The following MCM7 variants were observed in gnomAD, a reference collection of about 807,000 sequenced individuals.
MCM7 encodes the protein DNA replication licensing factor MCM7.
MCM7 carries 95 observed loss-of-function variants against 83.5 expected under a neutral mutation model. That is an observed-to-expected ratio of 1.14 (90% CI 0.96 to 1.35). MCM7 has a LOEUF of 1.35. MCM7 is among the 40% of genes most tolerant of loss of function. The pLI is 0.00. For missense variants in MCM7, 1,087 were observed against 957.4 expected (o/e 1.14, Z -1.79); for synonymous variants, 461 against 352.7 (o/e 1.31, Z -3.44).
At chr7:100,098,086 T>C (rs186478756) in intron 7 of MCM7, 55 bp downstream of exon 7, 5 of 1,598,640 alleles carry the variant, frequency 3.1e-6, no homozygotes, top group Admixed American at 3.4e-5. Context: ...GTGGGTAGAA[T>C]GAGTAGGTGA....
At chr7:100,097,465 C>T (rs1217021548) in intron 9 of MCM7, 81 bp from the exon 10 acceptor site, 3 of 1,569,720 alleles carry the variant, frequency 1.9e-6, no homozygotes, top group East Asian at 2.2e-5. Flanking sequence ...GTTCTGCCTA[C>T]CCCTAACACC....
At position 100,095,814 on chromosome 7, in the gene MCM7, AGAG is replaced by A. The variant is rs761880303; in HGVS notation, c.1552_1554del (p.Leu518del). 6.2e-6 allele frequency: 10 copies of A among 1,604,110 alleles called. No homozygotes were observed. The highest frequency in any genetic ancestry group is 7.7e-6 in the Non-Finnish European group (9 of 1,175,760). On this transcript the variant is annotated inframe_deletion, in exon 11 of 15. Transcript: ENST00000303887. ...CGGTCGGGCCGGTCCTGAATCAGCC[AGAG>A]GAGGTCAAACCGGGAGAGCAGTGCA...
rs749189763 is a variant in MCM7 at position 100,099,418 on chromosome 7, C to CAAAA, written c.277-19_277-16dup. 2.2e-4 allele frequency: 292 copies of CAAAA among 1,304,786 alleles called. No individual in the cohort carries two copies. Among genetic ancestry groups the CAAAA allele is most frequent in the Admixed American group, 1.3e-3 (38 of 30,300 alleles). 80.8% of individuals were successfully genotyped at this position (1,304,786 alleles called of 1,614,324 possible). A position where few individuals can be genotyped will look rare whatever the true frequency, so the allele number is the denominator to read the frequency against. ...TTATTTACCACCTAAAGGAGAAGAA[C>CAAAA]AAAAAAAAAAAAAAAAAAGAGCAAC... On this transcript the variant is annotated splice_polypyrimidine_tract_variant and intron_variant, in intron 3 of 14. Transcript: ENST00000303887.
rs577254709 is a variant in MCM7, at chr7:100,093,021, G to A, written c.2071C>T (p.Pro691Ser). 90 of 1,614,248 alleles carry A rather than the reference G, an allele frequency of 5.6e-5. No individual in the cohort carries two copies. In the South Asian group the frequency reaches 9.3e-4, roughly 17 times the overall value. Residue 691 changes from proline to serine, a missense_variant, in exon 15 of 15, where the codon CCC becomes TCC. By Grantham distance (74) the Pro-to-Ser change is moderately conservative (BLOSUM62 -1). Coordinates refer to ENST00000303887, the MANE Select transcript of MCM7 (RefSeq NM_005916.5). ...EQRCVSRGFT[P>S]AQFQAALDEY... is the part of the protein sequence containing the mutation. ...TCCAGAGCCGCCTGGAACTGGGCGG[G>A]TGTGAAGCCACGAGATACACAGCGC... is the stretch of plus-strand genomic sequence containing the variant.
chr7:100,101,307 C>T lies in MCM7; in HGVS notation c.-13G>A. 1 of 1,613,180 alleles carries T rather than the reference C, an allele frequency of 6.2e-7. No individual in the cohort carries two copies. Among genetic ancestry groups the T allele is most frequent in the Non-Finnish European group, 8.5e-7 (1 of 1,179,882 alleles). On this transcript the variant is annotated 5_prime_UTR_variant, in exon 1 of 15. Transcript: ENST00000303887. ...CCTTCAGTGCCATCGCTGCCGAGGG[C>T]CGTGCGGCCGCGCTTGGCGGGCTCA...
Position 100,101,331 on chromosome 7 carries a change from C to T in MCM7, c.-37G>A, listed in dbSNP as rs1796016568. On this transcript the variant is annotated 5_prime_UTR_variant, in exon 1 of 15. Coordinates refer to ENST00000303887, the MANE Select transcript of MCM7 (RefSeq NM_005916.5). ...GCCGTGCGGCCGCGCTTGGCGGGCT[C>T]AGAGGTCTTGCTCCTGGGGAAGCTG... 6.2e-7 allele frequency: 1 copy of T among 1,612,542 alleles called. No homozygotes were observed. Among genetic ancestry groups the T allele is most frequent in the African/African-American group, 1.3e-5 (1 of 74,946 alleles).
rs767723414 is a variant in MCM7 at position 100,096,105 on chromosome 7, A to G, written c.1264T>C (p.Ser422Pro). Reference protein sequence around the residue: ...VGLTAAVLRDSVSGELTLEGG... With the variant: ...VGLTAAVLRDPVSGELTLEGG... ...TCTAAGGTCAGTTCTCCACTCACGG[A>G]GTCTCTCAGCACAGCTGCCGTAAGC... The change falls in exon 11 of 15, where the codon TCC (serine) becomes CCC (proline). Residue 422 changes from serine to proline, a missense_variant. Physicochemically the swap from Ser to Pro is moderately conservative, Grantham distance 74. Coordinates refer to ENST00000303887, the MANE Select transcript of MCM7 (RefSeq NM_005916.5). 1 of 1,613,974 alleles carries G rather than the reference A, an allele frequency of 6.2e-7. No individual in the cohort carries two copies. Among genetic ancestry groups the G allele is most frequent in the Non-Finnish European group, 8.5e-7 (1 of 1,179,940 alleles).
At chr7:100,100,630 G>A (rs1042345750) in intron 1 of MCM7, 11 of 990,926 alleles carry the variant, frequency 1.1e-5, no homozygotes, top group Non-Finnish European at 1.2e-5. Flanking sequence ...CACACCCAGA[G>A]ACACCGCGAT....
chr7:100,100,399 A>C (rs1427148468), intron 1 of MCM7: 7 of 1,063,684 alleles, frequency 6.6e-6, no homozygotes, highest in African/African-American at 1.7e-5. Context: ...CAAGGTTCTC[A>C]GCTTTCTTTC....
At chr7:100,099,229 A>G (rs370793797) in intron 4 of MCM7, 26 bp from the exon 5 acceptor site, 163 of 1,613,940 alleles carry the variant, frequency 1.0e-4, no homozygotes, top group Non-Finnish European at 1.3e-4. Flanking sequence ...AGTCACAAAC[A>G]AGATCCTGGA....
chr7:100,101,088 C>G lies in MCM7; in HGVS notation c.31+176G>C, dbSNP rs1361739888. The G allele has an allele frequency of 3.8e-6, 3 of 779,326 alleles. No homozygotes were observed. In the Admixed American group the frequency reaches 8.3e-5, roughly 22 times the overall value. The allele number at this position is 779,326 out of a possible 1,614,324, so 48.3% of individuals were successfully genotyped here. ...AGCTTTTCTTCAACATCGATGGCCC[C>G]CCGCACGCTTCCCAGGCCCCGTGGG... On this transcript the variant is annotated intron_variant, in intron 1 of 14. Coordinates refer to ENST00000303887, the MANE Select transcript of MCM7 (RefSeq NM_005916.5).
chr7:100,095,466 C>A lies in MCM7; in HGVS notation c.1600G>T (p.Ala534Ser). Residue 534 changes from alanine (A) to serine (S), a missense_variant, in exon 12 of 15, where the codon GCC (alanine) becomes TCC (serine). Coordinates refer to ENST00000303887, the MANE Select transcript of MCM7 (RefSeq NM_005916.5). ...RPDRDNDLRL[A>S]QHITYVHQHS... is the part of the protein sequence containing the mutation. The stretch of plus-strand genomic sequence containing the variant: ...TGGTGCACATAGGTGATGTGCTGGG[C>A]CAACCTGGACAGAGGGAAGGTTAGA... The A allele has an allele frequency of 6.2e-7, 1 of 1,613,904 alleles. No individual in the cohort carries two copies. The highest frequency in any genetic ancestry group is 8.5e-7 in the Non-Finnish European group (1 of 1,179,908).
In MCM7 at chr7:100,095,798, C is replaced by G; in HGVS notation, c.1571G>C (p.Arg524Pro). Reference sequence around the variant, plus strand: ...CCGTAGGTCATTGTCTCGGTCGGGCCGGTCCTGAATCAGCCAGAGGAGGTC... The same window carrying G: ...CCGTAGGTCATTGTCTCGGTCGGGCGGGTCCTGAATCAGCCAGAGGAGGTC... ...RFDLLWLIQD[R>P]PDRDNDLRLA... Residue 524 changes from arginine to proline, a missense_variant, in exon 11 of 15, where the codon CGG (arginine) becomes CCG (proline). Coordinates refer to ENST00000303887, the MANE Select transcript of MCM7 (RefSeq NM_005916.5). The G allele has an allele frequency of 2.1e-5, 33 of 1,593,370 alleles. No individual in the cohort carries two copies. Among genetic ancestry groups the G allele is most frequent in the Non-Finnish European group, 2.7e-5 (32 of 1,170,198 alleles).
chr7:100,099,174 T>C lies in MCM7; in HGVS notation c.431A>G (p.Asn144Ser), dbSNP rs2070215. Residue 144 changes from asparagine to serine, a missense_variant, in exon 5 of 15, where the codon AAC (asparagine) becomes AGC (serine). Transcript: ENST00000303887. ...FELYFQGPSSNKPRVIREVRA... is the reference protein window; with the variant it reads ...FELYFQGPSSSKPRVIREVRA... Reference sequence around the variant, plus strand: ...CACTTCCCGGATCACACGAGGCTTGTTGCTGCTAGGGCCTTGAAAATACAG... The same window carrying C: ...CACTTCCCGGATCACACGAGGCTTGCTGCTGCTAGGGCCTTGAAAATACAG... The C allele has an allele frequency of 0.26, 421,713 of 1,613,792 alleles. 57,993 individuals are homozygous for C. Among genetic ancestry groups the C allele is most frequent in the Non-Finnish European group, 0.28 (332,173 of 1,179,856 alleles).
Position 100,095,373 on chromosome 7 carries a change from C to A in MCM7, c.1679+14G>T. ...CCACGCCAACGTTTGCCCACCCGCA[C>A]CCAGCTCTCCTACCTCATGAGCTTC... On this transcript the variant is annotated intron_variant, in intron 12 of 14. Transcript: ENST00000303887. The A allele has an allele frequency of 6.2e-7, 1 of 1,609,748 alleles. No homozygotes were observed. Among genetic ancestry groups the A allele is most frequent in the Non-Finnish European group, 8.5e-7 (1 of 1,178,422 alleles).
Position 100,096,186 on chromosome 7 carries a change from G to T in MCM7, c.1202-19C>A. ...TACTGGCCTGGAAGAGAAGAAATAA[G>T]GAACCATGAGAGAGAAAGAACAAGA... On this transcript the variant is annotated intron_variant, in intron 10 of 14. Transcript: ENST00000303887. 1 of 1,540,376 alleles carries T rather than the reference G, an allele frequency of 6.5e-7. No homozygotes were observed. The highest frequency in any genetic ancestry group is 1.4e-5 in the African/African-American group (1 of 72,180).
rs1482856999 is a variant in MCM7 at position 100,099,137 on chromosome 7, A to G, written c.468T>C (p.Ser156=). Residue 156 remains serine, a synonymous_variant, in exon 5 of 15, where the codon TCT becomes TCC. Coordinates refer to ENST00000303887, the MANE Select transcript of MCM7 (RefSeq NM_005916.5). The part of the protein sequence containing the change: ...PRVIREVRAD[S]VGKLVTVRGI... ...CACGCACAGTTACCAACTTCCCCAC[A>G]GAGTCAGCCCGCACTTCCCGGATCA... The G allele has an allele frequency of 1.2e-6, 2 of 1,614,044 alleles. No homozygotes were observed. The highest frequency in any genetic ancestry group is 1.7e-6 in the Non-Finnish European group (2 of 1,180,046).
At chr7:100,098,501 C>T (rs779239665) in intron 6 of MCM7, 77 bp downstream of exon 6, 42 of 1,589,470 alleles carry the variant, frequency 2.6e-5, no homozygotes, top group Non-Finnish European at 3.5e-5. Flanking sequence ...TTCTTTCTTC[C>T]TGCCATTCCA....
intron 3 of MCM7, 69 bp from the exon 4 acceptor site, chr7:100,099,472 A>C: frequency 6.3e-7 from 1 of 1,586,766 alleles, no homozygotes; most frequent in South Asian, 1.1e-5. Context: ...CACAGAGAAC[A>C]CCAGGCAGAA....
Sources: allele counts gnomAD v4.1 joint callset, GRCh38; gene constraint gnomAD v4.1.1; transcripts MANE v1.5; gene names NCBI Gene and HGNC (gene_info 2026-07-23, HGNC 2026-07-21).